FGD5: variants seen among roughly 807,000 people sequenced by gnomAD.
FGD5 encodes the protein FYVE, RhoGEF and PH domain containing 5.
In FGD5, 28 loss-of-function variants were observed where a neutral mutation model predicts 133.4. That is an observed-to-expected ratio of 0.21 (90% CI 0.16 to 0.29). FGD5 has a LOEUF of 0.29. FGD5 is among the 10% of genes least tolerant of loss of function. The pLI, the probability that FGD5 is intolerant of heterozygous loss-of-function variation, is 1.00. For missense variants in FGD5, 1,858 were observed against 1,895.2 expected (o/e 0.98, Z 0.36); for synonymous variants, 810 against 776.5 (o/e 1.04, Z -0.72).
Position 14,922,399 on chromosome 3 carries a change from CT to C in FGD5, c.3670-11del. ...CACATTCCACATTACTCAGCCAATT[CT>C]GTTGCTGCAGATACGAGAGAGGCTG... On this transcript the variant is annotated splice_polypyrimidine_tract_variant and intron_variant, in intron 14 of 19. Transcript: ENST00000285046. This position sits in a 1 kb window ranked among gnomAD's most constrained non-coding sequence, Gnocchi z 4.1. 6.4e-7 allele frequency: 1 copy of C among 1,561,876 alleles called. No homozygotes were observed. The highest frequency in any genetic ancestry group is 8.7e-7 in the Non-Finnish European group (1 of 1,152,874).
intron 9 of FGD5, among the ~76,000 whole-genome samples, chr3:14,906,491 G>A (rs1361148114): frequency 6.6e-6 from 1 of 152,262 alleles, no homozygotes; most frequent in Non-Finnish European, 1.5e-5. Context: ...GCCTCCTCCT[G>A]GAACTGAAGC....
intron 11 of FGD5, among the ~76,000 whole-genome samples, chr3:14,914,509 C>T (rs540265042): frequency 1.5e-4 from 23 of 152,318 alleles, no homozygotes; most frequent in African/African-American, 5.1e-4. Flanking sequence ...AAGGAGACCT[C>T]GGGGTGCTCA....
In FGD5 at chr3:14,930,589, A is replaced by T. The variant is rs189122959; in HGVS notation, c.4198-1988A>T. Reference sequence around the variant, plus strand: ...TCCAGTCAGACTTTTTTTTCCCCAGACTCTGTCTCAAAAAAGAAAAAAAAT... The same window carrying T: ...TCCAGTCAGACTTTTTTTTCCCCAGTCTCTGTCTCAAAAAAGAAAAAAAAT... On this transcript the variant is annotated intron_variant, in intron 18 of 19. Transcript: ENST00000285046. Among the ~76,000 whole-genome samples, 776 of 151,970 alleles carry T rather than the reference A, an allele frequency of 5.1e-3. 7 individuals are homozygous for T. Among genetic ancestry groups the T allele is most frequent in the African/African-American group, 0.018 (731 of 41,422 alleles).
In FGD5 at chr3:14,880,565, C is replaced by G; in HGVS notation, c.2659-7C>G. ...GTCCCACCTGATTGCTCTCTTTCCT[C>G]CCACAGGTGGAAGGACAGTCCAGAG... is the stretch of plus-strand genomic sequence containing the variant. On this transcript the variant is annotated splice_polypyrimidine_tract_variant and splice_region_variant and intron_variant, in intron 2 of 19. Coordinates refer to ENST00000285046, the MANE Select transcript of FGD5 (RefSeq NM_152536.4). The G allele has an allele frequency of 6.2e-7, 1 of 1,613,430 alleles. No homozygotes were observed.
intron 10 of FGD5, among the ~76,000 whole-genome samples, chr3:14,909,002 G>A (rs2038395993): frequency 6.7e-6 from 1 of 150,068 alleles, no homozygotes; most frequent in South Asian, 2.1e-4. Flanking sequence ...TTGAGCTGGA[G>A]TTTAGCTCTT....
chr3:14,886,150 G>C (rs1000532069), intron 4 of FGD5, among the ~76,000 whole-genome samples: 7 of 152,344 alleles, frequency 4.6e-5, no homozygotes, highest in Non-Finnish European at 1.0e-4. Context: ...CATGAACACA[G>C]GTTGGCTGCT....
intron 1 of FGD5, among the ~76,000 whole-genome samples, chr3:14,858,543 C>T (rs527970697): frequency 6.6e-6 from 1 of 152,264 alleles, no homozygotes; most frequent in South Asian, 2.1e-4. Context: ...GGCATTTTTA[C>T]TAGAGAGACT....
intron 4 of FGD5, among the ~76,000 whole-genome samples, chr3:14,883,660 G>T (rs2037871641): frequency 1.3e-5 from 2 of 152,232 alleles, no homozygotes; most frequent in South Asian, 4.1e-4. Context: ...ATAGGCCTTG[G>T]AGCCCCAAAG....
upstream of FGD5, among the ~76,000 whole-genome samples, chr3:14,818,028 A>G (rs940650188): frequency 3.3e-5 from 5 of 152,152 alleles, no homozygotes; most frequent in African/African-American, 1.2e-4. Flanking sequence ...TATCCTGCAA[A>G]TCTTAGCTAA....
chr3:14,841,884 C>A (rs1019253345), intron 1 of FGD5, among the ~76,000 whole-genome samples: 2 of 152,170 alleles, frequency 1.3e-5, no homozygotes, highest in African/African-American at 2.4e-5. Context: ...AGGGTCCAGG[C>A]CCTGGCCCTC....
Position 14,901,034 on chromosome 3 carries a change from C to T in FGD5, c.3237C>T (p.Asp1079=). The change falls in exon 9 of 20, where the codon GAC becomes GAT. Residue 1079 remains aspartate, a synonymous_variant. Coordinates refer to ENST00000285046, the MANE Select transcript of FGD5 (RefSeq NM_152536.4). ...GALSLISKVT[D]RANDSMEQGE... is the part of the protein sequence containing the mutation. Reference sequence around the variant, plus strand: ...TGAGCCTCATCTCCAAAGTCACAGACCGTGCCAACGACAGCATGGAGCAAG... The same window carrying T: ...TGAGCCTCATCTCCAAAGTCACAGATCGTGCCAACGACAGCATGGAGCAAG... The T allele has an allele frequency of 2.5e-6, 4 of 1,614,016 alleles. No individual in the cohort carries two copies. The highest frequency in any genetic ancestry group is 3.4e-6 in the Non-Finnish European group (4 of 1,179,878).
chr3:14,850,474 G>C (rs567345971), intron 1 of FGD5, among the ~76,000 whole-genome samples: 137 of 152,312 alleles, frequency 9.0e-4, no homozygotes, highest in African/African-American at 3.1e-3. Context: ...CCATTTCAGC[G>C]TGAGCCAGGT....
At chr3:14,839,826 A>C (rs1174059052) in intron 1 of FGD5, among the ~76,000 whole-genome samples, 1 of 152,168 alleles carries the variant, frequency 6.6e-6, no homozygotes, top group African/African-American at 2.4e-5. Context: ...CCAGCTACTC[A>C]GGAGGCTGAG....
At chr3:14,925,229 A>G (rs924282746) in intron 17 of FGD5, among the ~76,000 whole-genome samples, 9 of 152,000 alleles carry the variant, frequency 5.9e-5, no homozygotes, top group African/African-American at 2.2e-4. Context: ...TCCCACTGCC[A>G]TCAAGTTTCT....
At chr3:14,899,907 G>C (rs987176443) in intron 7 of FGD5, among the ~76,000 whole-genome samples, 2 of 152,192 alleles carry the variant, frequency 1.3e-5, no homozygotes, top group Admixed American at 6.5e-5. Context: ...GCCAGGCAGA[G>C]GGAACAGCAA....
At chr3:14,815,838 A>G (rs1170666228), upstream of FGD5, among the ~76,000 whole-genome samples, 1 of 152,224 alleles carries the variant, frequency 6.6e-6, no homozygotes, top group African/African-American at 2.4e-5. Context: ...CCGGAAACGC[A>G]GGTTCTACCA....
At chr3:14,843,838 G>GCAC (rs1375282756) in intron 1 of FGD5, among the ~76,000 whole-genome samples, 1 of 151,546 alleles carries the variant, frequency 6.6e-6, no homozygotes, top group Admixed American at 6.6e-5. Flanking sequence ...TTACAGGTAT[G>GCAC]CACCACCACC....
intron 11 of FGD5, among the ~76,000 whole-genome samples, chr3:14,911,259 G>A (rs905463368): frequency 6.6e-6 from 1 of 152,198 alleles, no homozygotes; most frequent in African/African-American, 2.4e-5. Context: ...CCAGGGGGAT[G>A]GTGGCAGAAG....
At chr3:14,910,002 G>A (rs1005870727) in intron 10 of FGD5, among the ~76,000 whole-genome samples, 7 of 151,930 alleles carry the variant, frequency 4.6e-5, no homozygotes, top group African/African-American at 1.7e-4. Flanking sequence ...CTGACCCTGT[G>A]ATCTGCCTGC....
Sources: gnomAD v4.1 joint callset for allele counts (sites outside exome capture counted in the v4.1 genomes callset) on GRCh38, gnomAD v4.1.1 for gene constraint, Gnocchi (gnomAD v3.1) non-coding constraint, MANE v1.5 for transcripts, NCBI Gene and HGNC (gene_info 2026-07-23, HGNC 2026-07-21) for gene names.